CTNNA3: variants seen among roughly 807,000 people sequenced by gnomAD.
CTNNA3 encodes catenin alpha-3.
In CTNNA3, 76 loss-of-function variants were observed where a neutral mutation model predicts 95.7. The observed-to-expected ratio is 0.79, with a 90% CI of 0.66 to 0.96. CTNNA3 has a LOEUF of 0.96. Among genes scored for constraint, CTNNA3 ranks in the 40% least tolerant of loss-of-function variants. The pLI is 0.00. For synonymous variants in CTNNA3, 431 were observed against 374.4 expected, an observed-to-expected ratio of 1.15 and a Z score of -1.74; for missense variants, 1,191 against 1,089.8, an observed-to-expected ratio of 1.09 and a Z score of -1.31.
intron 5 of CTNNA3, among the ~76,000 whole-genome samples, chr10:67,452,956 G>C (rs1847046294): frequency 6.6e-6 from 1 of 152,172 alleles, no homozygotes; most frequent in South Asian, 2.1e-4. Flanking sequence ...AACACAACTT[G>C]GCACAAATAG....
chr10:66,077,514 C>T (rs1178942118), intron 14 of CTNNA3, among the ~76,000 whole-genome samples: 1 of 151,816 alleles, frequency 6.6e-6, no homozygotes, highest in Non-Finnish European at 1.5e-5. Context: ...AGTCCATGCA[C>T]ATTTTACCAA....
At chr10:67,303,994 T>G (rs1002580597) in intron 5 of CTNNA3, among the ~76,000 whole-genome samples, 2 of 152,350 alleles carry the variant, frequency 1.3e-5, no homozygotes, top group East Asian at 1.9e-4. Context: ...TTTAATCCTA[T>G]GTACCGTTTT....
chr10:66,928,317 G>C, intron 7 of CTNNA3: 1 of 1,614,164 alleles, frequency 6.2e-7, no homozygotes, highest in African/African-American at 1.3e-5. Context: ...AGAAAAGACA[G>C]TCCCTAAAGC....
chr10:66,685,161 G>GTA (rs199546720), intron 9 of CTNNA3, among the ~76,000 whole-genome samples: 117 of 117,950 alleles, frequency 9.9e-4, no homozygotes, highest in African/African-American at 1.5e-3. Flanking sequence ...ATATATACAC[G>GTA]TATATATATA....
intron 9 of CTNNA3, among the ~76,000 whole-genome samples, chr10:66,688,713 T>C (rs1847394684): frequency 6.6e-6 from 1 of 152,118 alleles, no homozygotes; most frequent in African/African-American, 2.4e-5. Flanking sequence ...GGCTCACGCC[T>C]GTAATCCCAG....
At chr10:67,065,882 G>A (rs1163418764) in intron 7 of CTNNA3, among the ~76,000 whole-genome samples, 1 of 151,762 alleles carries the variant, frequency 6.6e-6, no homozygotes, top group African/African-American at 2.4e-5. Flanking sequence ...ACTAAAAGAG[G>A]GATATAGACA....
chr10:66,632,341 G>C (rs533368056), intron 9 of CTNNA3, among the ~76,000 whole-genome samples: 1 of 152,010 alleles, frequency 6.6e-6, no homozygotes, highest in East Asian at 1.9e-4. Context: ...ATCTCCTGAG[G>C]TCAAGAGTTT....
At chr10:67,372,634 A>G (rs1843521066) in intron 5 of CTNNA3, among the ~76,000 whole-genome samples, 1 of 152,168 alleles carries the variant, frequency 6.6e-6, no homozygotes, top group Admixed American at 6.5e-5. Context: ...AACACCACAA[A>G]GATACTCCTC....
chr10:66,330,035 C>T (rs992687920), intron 12 of CTNNA3, among the ~76,000 whole-genome samples: 1 of 151,914 alleles, frequency 6.6e-6, no homozygotes, highest in Non-Finnish European at 1.5e-5. Context: ...ATTCACTGGT[C>T]AGTTGTGAAA....
intron 7 of CTNNA3, among the ~76,000 whole-genome samples, chr10:67,078,387 G>A (rs954165214): frequency 1.3e-5 from 2 of 152,150 alleles, no homozygotes; most frequent in African/African-American, 4.8e-5. Flanking sequence ...GTAAGGAAAT[G>A]AGAAAGAAAA....
At chr10:66,563,082 A>C (rs1842602567) in intron 10 of CTNNA3, among the ~76,000 whole-genome samples, 1 of 152,178 alleles carries the variant, frequency 6.6e-6, no homozygotes, top group African/African-American at 2.4e-5. Flanking sequence ...GCAGGTGACC[A>C]CATAGCACTC....
intron 15 of CTNNA3, among the ~76,000 whole-genome samples, chr10:66,043,268 G>A (rs550203663): frequency 6.6e-6 from 1 of 152,122 alleles, no homozygotes; most frequent in South Asian, 2.1e-4. Flanking sequence ...ACAAAAATGT[G>A]ACTTGGAAGT....
chr10:67,108,234 T>C (rs961432037), intron 7 of CTNNA3, among the ~76,000 whole-genome samples: 2 of 152,184 alleles, frequency 1.3e-5, no homozygotes, highest in South Asian at 4.1e-4. Flanking sequence ...ATTTAAAAAG[T>C]ACAGTCAAAT....
intron 7 of CTNNA3, chr10:66,925,798 C>G: frequency 3.1e-6 from 1 of 319,290 alleles, no homozygotes; most frequent in South Asian, 2.4e-5. Flanking sequence ...TAAGTGGACA[C>G]AGACAATAAA....
At chr10:66,769,539 TG>T (rs1265290629) in intron 8 of CTNNA3, among the ~76,000 whole-genome samples, 2 of 152,184 alleles carry the variant, frequency 1.3e-5, no homozygotes, top group Non-Finnish European at 2.9e-5. Context: ...CAGCTTTTGC[TG>T]GGGGGAACAG....
chr10:66,783,578 T>C (rs1564680393), intron 7 of CTNNA3, among the ~76,000 whole-genome samples: 1 of 152,122 alleles, frequency 6.6e-6, no homozygotes, highest in Admixed American at 6.6e-5. Context: ...TAAAAGCGTC[T>C]GTACGAACGT....
chr10:67,490,562 A>C (rs1848608315), intron 5 of CTNNA3, among the ~76,000 whole-genome samples: 1 of 152,176 alleles, frequency 6.6e-6, no homozygotes, highest in Admixed American at 6.5e-5. Context: ...CTGGGGAACA[A>C]GGGCAAGATG....
intron 7 of CTNNA3, among the ~76,000 whole-genome samples, chr10:67,176,167 T>C (rs1862235853): frequency 6.6e-6 from 1 of 152,072 alleles, no homozygotes; most frequent in Admixed American, 6.6e-5. Flanking sequence ...AATGCAGAGA[T>C]TAAGATAAAA....
chr10:67,029,581 G>T (rs1231805429), intron 7 of CTNNA3, among the ~76,000 whole-genome samples: 1 of 152,136 alleles, frequency 6.6e-6, no homozygotes, highest in East Asian at 1.9e-4. Context: ...TTTTAACATT[G>T]TATTATTTAA....
Sources: allele counts gnomAD v4.1 joint callset (sites outside exome capture counted in the v4.1 genomes callset), GRCh38; gene constraint gnomAD v4.1.1; transcripts MANE v1.5; gene names NCBI Gene and HGNC (gene_info 2026-07-23, HGNC 2026-07-21).